The following TMEM71 variants were observed in gnomAD, a reference collection of about 807,000 sequenced individuals.
The protein encoded by TMEM71 is transmembrane protein 71.
Under a neutral mutation model 38.0 loss-of-function variants are expected in TMEM71, and 44 were observed. The ratio of observed to expected loss-of-function variants is 1.16; its 90% confidence interval spans 0.91 to 1.49. The LOEUF is 1.49. TMEM71 is among the 40% of genes most tolerant of loss of function. The pLI is 0.00. For missense variants in TMEM71, 367 were observed against 348.6 expected (o/e 1.05, Z -0.42); for synonymous variants, 133 against 122.5 (o/e 1.09, Z -0.56).
the TMEM71 span, among the ~76,000 whole-genome samples, chr8:132,775,836 G>A: frequency 0.012 from 1,767 of 152,232 alleles, 14 homozygotes; most frequent in Middle Eastern, 0.051. Context: ...CGGAGGGCCG[G>A]ATGGCTGTCA....
chr8:132,738,967 G>T (rs943716864), intron 5 of TMEM71, among the ~76,000 whole-genome samples: 8 of 152,040 alleles, frequency 5.3e-5, no homozygotes, highest in Non-Finnish European at 1.0e-4. Flanking sequence ...AGCTGTATAA[G>T]TAGTTATCAG....
chr8:132,775,531 C>G, the TMEM71 span: 1 of 372,888 alleles, frequency 2.7e-6, no homozygotes, highest in Non-Finnish European at 4.8e-6. Context: ...CTCCTGCTCC[C>G]TCCCCGGCCG....
upstream of TMEM71, among the ~76,000 whole-genome samples, chr8:132,765,637 A>G (rs1829354412): frequency 1.3e-5 from 2 of 152,082 alleles, no homozygotes; most frequent in Non-Finnish European, 2.9e-5. Context: ...CTCCTAAGAA[A>G]CAGCCAAACT....
At chr8:132,712,078 C>T (rs751300679) in intron 9 of TMEM71, among the ~76,000 whole-genome samples, 1 of 152,050 alleles carries the variant, frequency 6.6e-6, no homozygotes, top group Non-Finnish European at 1.5e-5. Context: ...GCAGTAAATA[C>T]ATTAAATTTA....
rs1828747753 is a variant in TMEM71, at chr8:132,752,085, A to T, written c.102-88T>A. ...ATGTCTCATCACTGTGAAGGAAAAT[A>T]ACATCTTTGCATCCATGACTGTCAA... On this transcript the variant is annotated intron_variant, in intron 3 of 9. Transcript: ENST00000677595. 4 of 1,075,022 alleles carry T rather than the reference A, an allele frequency of 3.7e-6. No individual in the cohort carries two copies. In the East Asian group the frequency reaches 1.0e-4, roughly 27 times the overall value. 66.6% of individuals were successfully genotyped at this position (1,075,022 alleles called of 1,614,324 possible). A position where few individuals can be genotyped will look rare whatever the true frequency, so the allele number is the denominator to read the frequency against.
intron 7 of TMEM71, among the ~76,000 whole-genome samples, chr8:132,716,201 C>G (rs546759223): frequency 4.6e-5 from 7 of 152,362 alleles, no homozygotes; most frequent in African/African-American, 1.7e-4. Flanking sequence ...GCTCCTGCCC[C>G]TGGCCTCTCC....
At chr8:132,764,734 C>T (rs1372686361), upstream of TMEM71, among the ~76,000 whole-genome samples, 1 of 152,164 alleles carries the variant, frequency 6.6e-6, no homozygotes, top group East Asian at 1.9e-4. Flanking sequence ...GTTATGGATC[C>T]CATAGCTGTC....
At chr8:132,745,331 C>T (rs1366664968) in intron 5 of TMEM71, among the ~76,000 whole-genome samples, 1 of 151,882 alleles carries the variant, frequency 6.6e-6, no homozygotes, top group Non-Finnish European at 1.5e-5. Flanking sequence ...ATTGAATAAG[C>T]AAAAACCAAA....
chr8:132,739,406 G>T (rs1473253355), intron 5 of TMEM71, among the ~76,000 whole-genome samples: 1 of 152,184 alleles, frequency 6.6e-6, no homozygotes, highest in Non-Finnish European at 1.5e-5. Flanking sequence ...CCGCCTCCCA[G>T]GTTCACGCCA....
intron 4 of TMEM71, among the ~76,000 whole-genome samples, chr8:132,747,398 C>T (rs1352646459): frequency 4.6e-5 from 7 of 152,162 alleles, no homozygotes; most frequent in African/African-American, 1.7e-4. Flanking sequence ...TTATTCTATG[C>T]CTTGCATCTT....
chr8:132,725,740 C>T (rs182291899), intron 6 of TMEM71, among the ~76,000 whole-genome samples: 11 of 152,154 alleles, frequency 7.2e-5, no homozygotes, highest in Non-Finnish European at 1.5e-4. Context: ...GGAATCAAGG[C>T]GAAGTGAAGC....
At chr8:132,762,993 T>A (rs1829321982), upstream of TMEM71, among the ~76,000 whole-genome samples, 2 of 152,214 alleles carry the variant, frequency 1.3e-5, no homozygotes, top group South Asian at 4.1e-4. Context: ...GGTTCCCCTC[T>A]CAATCTTCTC....
upstream of TMEM71, among the ~76,000 whole-genome samples, chr8:132,764,492 T>C (rs1024385406): frequency 1.3e-5 from 2 of 152,220 alleles, no homozygotes; most frequent in African/African-American, 4.8e-5. Flanking sequence ...AAGTTCAAAA[T>C]CCTCTTCATG....
intron 5 of TMEM71, among the ~76,000 whole-genome samples, chr8:132,728,269 G>C (rs1678072832): frequency 6.6e-6 from 1 of 152,140 alleles, no homozygotes; most frequent in African/African-American, 2.4e-5. Flanking sequence ...GGCTGGGGAG[G>C]CTTCACAATC....
In TMEM71 at chr8:132,730,819, G is replaced by A. The variant is rs75343660; in HGVS notation, c.488-2833C>T. ...CTTATGAACTGTAGGACACTTAGGAGGGAAACAAGGGAGAATAAGACACTG... is the reference window on the plus strand; with the variant it reads ...CTTATGAACTGTAGGACACTTAGGAAGGAAACAAGGGAGAATAAGACACTG... On this transcript the variant is annotated intron_variant, in intron 5 of 9. Transcript: ENST00000677595. Among the ~76,000 whole-genome samples the A allele has an allele frequency of 7.1e-3, 1,087 of 152,236 alleles. 16 individuals are homozygous for A. The highest frequency in any genetic ancestry group is 0.025 in the African/African-American group (1,048 of 41,526).
At chr8:132,731,541 T>C (rs1039125892) in intron 5 of TMEM71, among the ~76,000 whole-genome samples, 11 of 152,172 alleles carry the variant, frequency 7.2e-5, no homozygotes, top group East Asian at 3.9e-4. Flanking sequence ...GACTTCACCA[T>C]AGGACAGGGT....
chr8:132,736,092 C>G (rs1042439237), intron 5 of TMEM71, among the ~76,000 whole-genome samples: 1 of 152,160 alleles, frequency 6.6e-6, no homozygotes, highest in Non-Finnish European at 1.5e-5. Flanking sequence ...AGGTTCTAAA[C>G]TGAGCCTTGG....
At chr8:132,737,625 C>T (rs1827820420) in intron 5 of TMEM71, among the ~76,000 whole-genome samples, 1 of 152,142 alleles carries the variant, frequency 6.6e-6, no homozygotes, top group African/African-American at 2.4e-5. Flanking sequence ...TAGCTTCTTC[C>T]CCTGGAAAAT....
At chr8:132,717,001 T>C (rs1229841431) in intron 7 of TMEM71, among the ~76,000 whole-genome samples, 1 of 152,242 alleles carries the variant, frequency 6.6e-6, no homozygotes, top group Non-Finnish European at 1.5e-5. Context: ...GTTGGAAGGC[T>C]CATGCTTTTC....
Sources: allele counts gnomAD v4.1 joint callset (sites outside exome capture counted in the v4.1 genomes callset), GRCh38; gene constraint gnomAD v4.1.1; transcripts MANE v1.5; gene names NCBI Gene and HGNC (gene_info 2026-07-23, HGNC 2026-07-21).